The following CFAP299 variants were observed in gnomAD, a reference collection of about 807,000 sequenced individuals.
CFAP299 encodes cilia- and flagella-associated protein 299.
A neutral mutation model predicts 27.0 loss-of-function variants in CFAP299; 21 were observed. The ratio of observed to expected loss-of-function variants is 0.78; its 90% CI spans 0.55 to 1.12. The LOEUF (loss-of-function observed/expected upper bound fraction) is 1.12, where lower values mean the gene tolerates loss of function less well. Ranked by LOEUF, CFAP299 falls within the 50% of genes most tolerant of loss-of-function variation. The probability of loss-of-function intolerance (pLI) is 0.00; values close to 1 mark genes in which losing one functional copy is unlikely to be tolerated. For synonymous variants in CFAP299, 104 were observed against 98.1 expected, an observed-to-expected ratio of 1.06 and a Z score of -0.36; for missense variants, 310 against 276.6, an observed-to-expected ratio of 1.12 and a Z score of -0.86.
intron 3 of CFAP299, among the ~76,000 whole-genome samples, chr4:80,651,460 G>A (rs1375189253): frequency 6.6e-6 from 1 of 150,544 alleles, no homozygotes; most frequent in Non-Finnish European, 1.5e-5. Flanking sequence ...CGACCTCCTG[G>A]GTTTAAGTGA....
At chr4:80,846,943 C>G (rs908012740) in intron 3 of CFAP299, among the ~76,000 whole-genome samples, 1 of 152,166 alleles carries the variant, frequency 6.6e-6, no homozygotes, top group Non-Finnish European at 1.5e-5. Flanking sequence ...CCCCTGTTCT[C>G]CTTAGCAATT....
intron 3 of CFAP299, among the ~76,000 whole-genome samples, chr4:80,752,405 TATATATATATACACATATATATAAATAA>T (rs1724985593): frequency 2.1e-5 from 3 of 144,452 alleles, no homozygotes; most frequent in Admixed American, 2.1e-4. Flanking sequence ...TATATATTTA[TATATATATATACACATATATATAAATAA>T]ATATATATAT....
intron 3 of CFAP299, among the ~76,000 whole-genome samples, chr4:80,739,676 T>A (rs968935231): frequency 1.3e-5 from 2 of 152,088 alleles, no homozygotes; most frequent in Non-Finnish European, 2.9e-5. Context: ...TTGGGTTAAA[T>A]CTGTGTGGTG....
intron 3 of CFAP299, among the ~76,000 whole-genome samples, chr4:80,793,392 A>G: frequency 6.6e-6 from 1 of 152,064 alleles, no homozygotes; most frequent in Non-Finnish European, 1.5e-5. Flanking sequence ...TTAATGGTGT[A>G]TCTGCCTTTC....
At chr4:80,591,125 T>TAA (rs1560643050) in intron 3 of CFAP299, among the ~76,000 whole-genome samples, 1 of 134,954 alleles carries the variant, frequency 7.4e-6, no homozygotes, top group Non-Finnish European at 1.6e-5. Flanking sequence ...TTTTTTTTTT[T>TAA]TTTTTTATTT....
chr4:80,365,847 C>T (rs971642050), intron 2 of CFAP299, among the ~76,000 whole-genome samples: 1 of 152,142 alleles, frequency 6.6e-6, no homozygotes, highest in Non-Finnish European at 1.5e-5. Flanking sequence ...CATCACATGT[C>T]CATTTTGTGT....
chr4:80,669,143 TTC>T (rs1560688112), intron 3 of CFAP299, among the ~76,000 whole-genome samples: 15 of 60,056 alleles, frequency 2.5e-4, no homozygotes, highest in South Asian at 1.5e-3. Context: ...CTTTCTTTCT[TTC>T]TTTCTTTTTT....
chr4:80,435,420 C>A (rs1728019151), intron 2 of CFAP299, among the ~76,000 whole-genome samples: 1 of 152,070 alleles, frequency 6.6e-6, no homozygotes, highest in Non-Finnish European at 1.5e-5. Context: ...TGGAACTAAT[C>A]CAAAACAAAT....
At chr4:80,839,734 G>GA (rs879916064) in intron 3 of CFAP299, among the ~76,000 whole-genome samples, 237 of 139,286 alleles carry the variant, frequency 1.7e-3, no homozygotes, top group East Asian at 7.2e-3. Flanking sequence ...AAACTTCTTT[G>GA]AAAAAAAAAA....
At position 80,799,812 on chromosome 4, in the gene CFAP299, T is replaced by TATATATATATTATATAATATA. The variant is rs1553893124; in HGVS notation, c.334-70173_334-70172insATTATATAATATAATATATAT. On this transcript the variant is annotated intron_variant, in intron 3 of 5. Coordinates refer to ENST00000358105, the MANE Select transcript of CFAP299 (RefSeq NM_152770.3). Reference sequence around the variant, plus strand: ...TATATTATATTATATAATATATAAATATATATATTATATATATTTATATAT... The same window carrying TATATATATATTATATAATATA: ...TATATTATATTATATAATATATAAATATATATATATTATATAATATAATATATATTATATATATTTATATAT... 5.0e-4 allele frequency among the ~76,000 whole-genome samples: 18 copies of TATATATATATTATATAATATA among 36,112 alleles called. 2 individuals carry two copies. The highest frequency in any genetic ancestry group is 2.2e-3 in the African/African-American group (17 of 7,568). 23.7% of individuals were successfully genotyped at this position (36,112 alleles called of 152,430 possible).
intron 4 of CFAP299, among the ~76,000 whole-genome samples, chr4:80,937,487 T>C (rs1202198675): frequency 6.6e-6 from 1 of 151,748 alleles, no homozygotes; most frequent in Admixed American, 6.6e-5. Context: ...TGGCTAATGT[T>C]TTTGTATTTT....
Position 80,800,173 on chromosome 4 carries a change from T to G in CFAP299, c.334-69820T>G, listed in dbSNP as rs1472004321. On this transcript the variant is annotated intron_variant, in intron 3 of 5. Coordinates refer to ENST00000358105, the MANE Select transcript of CFAP299 (RefSeq NM_152770.3). The stretch of plus-strand genomic sequence containing the variant: ...TTTATATAATATATAATACATATAA[T>G]ATATAATAATATGTAATACTATATA... Among the ~76,000 whole-genome samples, 5 of 71,692 alleles carry G rather than the reference T, an allele frequency of 7.0e-5. No individual in the cohort carries two copies. In the East Asian group the frequency reaches 2.3e-3, roughly 33 times the overall value. The allele number at this position is 71,692 out of a possible 152,430, so 47.0% of individuals were successfully genotyped here.
In CFAP299 at chr4:80,583,202, A is replaced by C; in HGVS notation, c.333+19A>C. ...ACTGAGTGTAAGTACATTTCATCCAACAGCTTAAAATGTATACACTAAATG... is the reference window on the plus strand; with the variant it reads ...ACTGAGTGTAAGTACATTTCATCCACCAGCTTAAAATGTATACACTAAATG... On this transcript the variant is annotated intron_variant, in intron 3 of 5. Transcript: ENST00000358105. The C allele has an allele frequency of 6.7e-7, 1 of 1,501,178 alleles. No homozygotes were observed. Among genetic ancestry groups the C allele is most frequent in the Non-Finnish European group, 9.2e-7 (1 of 1,085,238 alleles). The allele number at this position is 1,501,178 out of a possible 1,614,324, so 93.0% of individuals were successfully genotyped here.
intron 3 of CFAP299, among the ~76,000 whole-genome samples, chr4:80,852,947 T>C (rs1424758732): frequency 1.3e-5 from 2 of 152,196 alleles, no homozygotes; most frequent in Non-Finnish European, 2.9e-5. Flanking sequence ...GTTGATAGCA[T>C]GTAGAACAAA....
intron 3 of CFAP299, among the ~76,000 whole-genome samples, chr4:80,783,383 A>C (rs984652869): frequency 6.6e-6 from 1 of 152,174 alleles, no homozygotes; most frequent in Admixed American, 6.6e-5. Flanking sequence ...GCTGGCTACC[A>C]TACGAGGCAC....
chr4:80,864,501 C>T (rs1470375551), intron 3 of CFAP299, among the ~76,000 whole-genome samples: 9 of 143,756 alleles, frequency 6.3e-5, no homozygotes, highest in African/African-American at 1.5e-4. Flanking sequence ...CATATATATA[C>T]ATATATACCT....
chr4:80,916,295 A>ATATATATATATATATATATATATT (rs1405206483), intron 4 of CFAP299, among the ~76,000 whole-genome samples: 1 of 125,564 alleles, frequency 8.0e-6, no homozygotes, highest in African/African-American at 3.2e-5. Flanking sequence ...ATATATATAT[A>ATATATATATATATATATATATATT]TTTCAGGTAC....
chr4:80,927,343 C>T (rs1392990231), intron 4 of CFAP299, among the ~76,000 whole-genome samples: 2 of 152,046 alleles, frequency 1.3e-5, no homozygotes, highest in African/African-American at 4.8e-5. Flanking sequence ...TGGTCCATCC[C>T]AACATCCCAA....
intron 2 of CFAP299, among the ~76,000 whole-genome samples, chr4:80,509,647 A>G (rs1320329944): frequency 6.6e-6 from 1 of 152,218 alleles, no homozygotes; most frequent in African/African-American, 2.4e-5. Flanking sequence ...TAATTTGAAG[A>G]AAACTATTCA....
Sources: allele counts gnomAD v4.1 joint callset (sites outside exome capture counted in the v4.1 genomes callset), GRCh38; gene constraint gnomAD v4.1.1; transcripts MANE v1.5; gene names NCBI Gene and HGNC (gene_info 2026-07-23, HGNC 2026-07-21).